The following NCAM2 variants were observed in gnomAD, a reference collection of about 807,000 sequenced individuals.
NCAM2 encodes the protein N-CAM-2.
NCAM2 carries 30 observed loss-of-function variants against 98.1 expected under a neutral mutation model. That is an observed-to-expected ratio of 0.31 (90% CI 0.23 to 0.41). The LOEUF is 0.41. Ranked by LOEUF, NCAM2 falls within the 10% of genes least tolerant of loss-of-function variation. NCAM2 has a pLI of 1.00. For missense variants in NCAM2, 867 were observed against 1,005.8 expected, an observed-to-expected ratio of 0.86 and a Z score of 1.87; for synonymous variants, 368 against 342.4, an observed-to-expected ratio of 1.07 and a Z score of -0.83.
At chr21:21,033,453 A>G (rs1260705643) in intron 1 of NCAM2, among the ~76,000 whole-genome samples, 2 of 152,234 alleles carry the variant, frequency 1.3e-5, no homozygotes, top group Non-Finnish European at 1.5e-5. Context: ...TACAATATAT[A>G]TAAGCTCAAA....
At chr21:21,056,117 T>C (rs9636690) in intron 1 of NCAM2, among the ~76,000 whole-genome samples, 9,107 of 152,112 alleles carry the variant, frequency 0.06, 284 homozygotes, top group East Asian at 0.096. Flanking sequence ...CGCATAGCAA[T>C]AAAATAATTG....
chr21:21,138,698 A>C (rs2067109679), intron 1 of NCAM2, among the ~76,000 whole-genome samples: 1 of 152,210 alleles, frequency 6.6e-6, no homozygotes, highest in Non-Finnish European at 1.5e-5. Flanking sequence ...TTTATAATAA[A>C]TAATTAGTGT....
At chr21:21,433,232 T>C (rs9983697) in intron 12 of NCAM2, among the ~76,000 whole-genome samples, 18,556 of 152,160 alleles carry the variant, frequency 0.12, 1,436 homozygotes, top group East Asian at 0.3. Flanking sequence ...CAAATAATGT[T>C]CTCAAACTGA....
In NCAM2 at chr21:21,010,242, G is replaced by A. The variant is rs549782227; in HGVS notation, c.55+11624G>A. Among the ~76,000 whole-genome samples, 8 of 151,966 alleles carry A rather than the reference G, an allele frequency of 5.3e-5. No homozygotes were observed. In the South Asian group the frequency reaches 1.7e-3, roughly 32 times the overall value. On this transcript the variant is annotated intron_variant, in intron 1 of 17. Transcript: ENST00000400546. ...GCCCCCTCATACACGCTATGTTAAT[G>A]CATTTTACCTCTGTGTGGATTGCAG...
intron 8 of NCAM2, among the ~76,000 whole-genome samples, chr21:21,359,930 A>T (rs1285681067): frequency 6.6e-6 from 1 of 151,964 alleles, no homozygotes; most frequent in African/African-American, 2.4e-5. Context: ...ACAAGATTAA[A>T]TAAATTTGAA....
intron 12 of NCAM2, among the ~76,000 whole-genome samples, chr21:21,433,146 G>C (rs906635479): frequency 1.3e-5 from 2 of 152,150 alleles, no homozygotes; most frequent in Non-Finnish European, 2.9e-5. Context: ...TTATCAGTTT[G>C]CACTGAGCAT....
chr21:21,243,891 A>C (rs1243490308), intron 1 of NCAM2, among the ~76,000 whole-genome samples: 1 of 152,200 alleles, frequency 6.6e-6, no homozygotes, highest in African/African-American at 2.4e-5. Context: ...AATATGAGGA[A>C]GATAAACAGC....
chr21:21,248,787 A>T (rs2071376485), intron 1 of NCAM2, among the ~76,000 whole-genome samples: 1 of 52,692 alleles, frequency 1.9e-5, no homozygotes, highest in African/African-American at 8.1e-5. Flanking sequence ...AAAAAAAAAA[A>T]AAAAAAAAAA....
intron 16 of NCAM2, among the ~76,000 whole-genome samples, chr21:21,532,082 G>C (rs912792829): frequency 1.3e-5 from 2 of 151,728 alleles, no homozygotes; most frequent in Non-Finnish European, 2.9e-5. Context: ...AGCCAACCAA[G>C]GTTAAGTAAA....
intron 1 of NCAM2, among the ~76,000 whole-genome samples, chr21:21,141,300 G>T (rs189489282): frequency 6.6e-6 from 1 of 152,258 alleles, no homozygotes; most frequent in Admixed American, 6.5e-5. Context: ...GCACATATTT[G>T]TTGTCTGGTG....
intron 5 of NCAM2, among the ~76,000 whole-genome samples, chr21:21,309,553 A>G (rs1266181097): frequency 1.3e-5 from 2 of 152,132 alleles, no homozygotes; most frequent in Non-Finnish European, 2.9e-5. Context: ...TCTTTTGCAC[A>G]GTTCTTTCCC....
intron 1 of NCAM2, among the ~76,000 whole-genome samples, chr21:21,236,042 T>C (rs1163575930): frequency 6.6e-6 from 1 of 152,034 alleles, no homozygotes; most frequent in Non-Finnish European, 1.5e-5. Context: ...TCTTAACTCA[T>C]GGAATGACCA....
chr21:21,208,547 T>C (rs1568770492), intron 1 of NCAM2, among the ~76,000 whole-genome samples: 1 of 152,186 alleles, frequency 6.6e-6, no homozygotes, highest in Non-Finnish European at 1.5e-5. Context: ...TTTTAGCTTC[T>C]TTATGGTAAA....
chr21:21,232,088 T>G (rs1427919150), intron 1 of NCAM2, among the ~76,000 whole-genome samples: 1 of 151,440 alleles, frequency 6.6e-6, no homozygotes, highest in South Asian at 2.1e-4. Context: ...TCCCCAGTTA[T>G]CTTGCAGGAA....
At chr21:21,107,330 A>C (rs1340584442) in intron 1 of NCAM2, among the ~76,000 whole-genome samples, 2 of 152,130 alleles carry the variant, frequency 1.3e-5, no homozygotes, top group Non-Finnish European at 2.9e-5. Flanking sequence ...GTGCAAAAAA[A>C]TAATACCAGA....
At chr21:21,030,695 T>TC (rs1477572653) in intron 1 of NCAM2, among the ~76,000 whole-genome samples, 3 of 152,060 alleles carry the variant, frequency 2.0e-5, no homozygotes, top group African/African-American at 4.8e-5. Context: ...TTAAAATGAG[T>TC]GGTATTAAGG....
intron 1 of NCAM2, among the ~76,000 whole-genome samples, chr21:21,144,230 T>C (rs971831535): frequency 6.6e-6 from 1 of 151,708 alleles, no homozygotes; most frequent in Non-Finnish European, 1.5e-5. Flanking sequence ...ATGCCTGTAA[T>C]CCCTGCTACT....
At chr21:21,451,867 G>T (rs565689408) in intron 12 of NCAM2, among the ~76,000 whole-genome samples, 202 of 152,008 alleles carry the variant, frequency 1.3e-3, no homozygotes, top group Non-Finnish European at 2.6e-3. Flanking sequence ...AAAAAATGTA[G>T]GTTTAAGTTT....
intron 1 of NCAM2, among the ~76,000 whole-genome samples, chr21:21,135,751 T>A (rs988135999): frequency 6.6e-6 from 1 of 152,190 alleles, no homozygotes; most frequent in Admixed American, 6.5e-5. Flanking sequence ...AACCAACCTG[T>A]GCTTTTTTCA....
Sources: gnomAD v4.1 joint callset for allele counts (sites outside exome capture counted in the v4.1 genomes callset) on GRCh38, gnomAD v4.1.1 for gene constraint, MANE v1.5 for transcripts, NCBI Gene and HGNC (gene_info 2026-07-23, HGNC 2026-07-21) for gene names.